The following NUP133 variants were observed in gnomAD, a reference collection of about 807,000 sequenced individuals.
NUP133 encodes the protein nucleoporin 133.
In NUP133, 66 loss-of-function variants were observed where a neutral mutation model predicts 146.2. The observed-to-expected ratio is 0.45, with a 90% CI of 0.37 to 0.55. The LOEUF (loss-of-function observed/expected upper bound fraction) is 0.55. NUP133 is among the 20% of genes least tolerant of loss of function. NUP133 has a pLI of 0.00. For synonymous variants in NUP133, 521 were observed against 498.8 expected, an observed-to-expected ratio of 1.04 and a Z score of -0.59; for missense variants, 1,277 against 1,374.8, an observed-to-expected ratio of 0.93 and a Z score of 1.12.
At chr1:229,453,633 T>C (rs79148553) in intron 21 of NUP133, among the ~76,000 whole-genome samples, 6,881 of 152,288 alleles carry the variant, frequency 0.045, 458 homozygotes, top group African/African-American at 0.15. Context: ...GGGGTTTTAA[T>C]TGAATACTGT....
chr1:229,473,514 C>T (rs909711115), intron 14 of NUP133, among the ~76,000 whole-genome samples: 3 of 152,238 alleles, frequency 2.0e-5, no homozygotes, highest in South Asian at 2.1e-4. Context: ...TCATGGCTTT[C>T]GGGCCTCTGA....
intron 5 of NUP133, 34 bp downstream of exon 5, chr1:229,499,650 T>C (rs1661747213): frequency 1.3e-6 from 2 of 1,567,600 alleles, no homozygotes; most frequent in Non-Finnish European, 1.7e-6. Flanking sequence ...AATCACAGCT[T>C]TCCAATAAAT....
chr1:229,452,463 C>T, intron 22 of NUP133, 62 bp downstream of exon 22: 1 of 1,329,324 alleles, frequency 7.5e-7, no homozygotes, highest in Non-Finnish European at 1.1e-6. Context: ...CTACATGGCC[C>T]AACAAACACC....
At chr1:229,505,381 C>A (rs1661907476) in intron 2 of NUP133, among the ~76,000 whole-genome samples, 1 of 151,662 alleles carries the variant, frequency 6.6e-6, no homozygotes, top group Non-Finnish European at 1.5e-5. Flanking sequence ...ATTAAAAAAA[C>A]ACAGTATATA....
At chr1:229,451,384 GCAATAC>G (rs1660445941) in intron 22 of NUP133, among the ~76,000 whole-genome samples, 1 of 150,036 alleles carries the variant, frequency 6.7e-6, no homozygotes. Context: ...GACAGCCCGA[GCAATAC>G]CAAGATCTTG....
chr1:229,453,497 T>C (rs947109786), intron 21 of NUP133, among the ~76,000 whole-genome samples: 2 of 150,534 alleles, frequency 1.3e-5, no homozygotes, highest in Non-Finnish European at 2.9e-5. Flanking sequence ...TCGAGAACTA[T>C]GAGAAATCAC....
At position 229,464,696 on chromosome 1, in the gene NUP133, T is replaced by C. The variant is rs755831030; in HGVS notation, c.2479A>G (p.Ser827Gly). ...AGATTGTCATATCTTTCCCGATTAC[T>C]GGATTTATCCACAGACTTAAGCTGA... ...VSQLKSVDKS[S>G]NRERYDNLEM... is the part of the protein sequence containing the mutation. The change falls in exon 18 of 26, where the codon AGT (serine) becomes GGT (glycine). Residue 827 changes from serine (S) to glycine (G), a missense_variant. Transcript: ENST00000261396. 2.0e-5 allele frequency: 33 copies of C among 1,614,234 alleles called. No homozygotes were observed. The East Asian group carries it at 4.7e-4, about 23-fold the overall frequency.
In NUP133 at chr1:229,475,126, C is replaced by A. The variant is rs565440771; in HGVS notation, c.1851+512G>T. On this transcript the variant is annotated intron_variant, in intron 14 of 25. Coordinates refer to ENST00000261396, the MANE Select transcript of NUP133 (RefSeq NM_018230.3). ...TAAATAAATAAATAAATAAATAAAA[C>A]AAACAAACAAAACCCCAAGCAGGTT... Among the ~76,000 whole-genome samples, 570 of 146,192 alleles carry A rather than the reference C, an allele frequency of 3.9e-3. 3 individuals are homozygous for A. Among genetic ancestry groups the A allele is most frequent in the African/African-American group, 0.013 (535 of 40,430 alleles).
In NUP133 at chr1:229,440,888, A is replaced by G. The variant is rs1287677810; in HGVS notation, c.*1016T>C. On this transcript the variant is annotated 3_prime_UTR_variant, in exon 26 of 26. Transcript: ENST00000261396. The stretch of plus-strand genomic sequence containing the variant: ...TGATGCTGGGCTCTGTGAATCCAGG[A>G]ACCGGACTCTTCACCATGTTTAACT... 2 of 153,278 alleles carry G rather than the reference A, an allele frequency of 1.3e-5. No homozygotes were observed. Among genetic ancestry groups the G allele is most frequent in the African/African-American group, 4.8e-5 (2 of 41,478 alleles). The allele number at this position is 153,278 out of a possible 1,614,324, so 9.5% of individuals were successfully genotyped here.
intron 13 of NUP133, 46 bp downstream of exon 13, chr1:229,477,551 C>A: frequency 2.1e-6 from 3 of 1,461,122 alleles, no homozygotes; most frequent in South Asian, 1.5e-5. Context: ...ATAAAGAAAC[C>A]AGAATATGTT....
chr1:229,458,291 A>G lies in NUP133; in HGVS notation c.2850T>C (p.His950=). The change falls in exon 21 of 26, where the codon CAT becomes CAC. Residue 950 remains histidine, a synonymous_variant. Transcript: ENST00000261396. Reference sequence around the variant, plus strand: ...TATTTGCCAAACCCAGAAGTGTTGCATGAGCCTACAATAAAATATGCAAAC... The same window carrying G: ...TATTTGCCAAACCCAGAAGTGTTGCGTGAGCCTACAATAAAATATGCAAAC... ...EINSQELEKA[H]ATLLGLANME... is the part of the protein sequence containing the mutation. 1 of 1,612,316 alleles carries G rather than the reference A, an allele frequency of 6.2e-7. No homozygotes were observed. The highest frequency in any genetic ancestry group is 8.5e-7 in the Non-Finnish European group (1 of 1,179,022).
At chr1:229,470,916 CCCAGCAAGTCCCT>C (rs1326126228) in intron 14 of NUP133, 112 bp from the exon 15 acceptor site, 1 of 797,286 alleles carries the variant, frequency 1.3e-6, no homozygotes, top group Non-Finnish European at 2.0e-6. Flanking sequence ...CCAGCTTTCC[CCCAGCAAGTCCCT>C]CCAGCTGTCT....
At position 229,440,823 on chromosome 1, in the gene NUP133, TAC is replaced by T. The variant is rs1405477777; in HGVS notation, c.*1079_*1080del. On this transcript the variant is annotated 3_prime_UTR_variant, in exon 26 of 26. Transcript: ENST00000261396. ...CTCCATTAACCTGCTCTTCCAAACA[TAC>T]TCAAGGGCTGGCCTTGCAGCCTGCG... 6.6e-6 allele frequency: 1 copy of T among 152,552 alleles called. No individual in the cohort carries two copies. The highest frequency in any genetic ancestry group is 1.9e-4 in the East Asian group (1 of 5,214). The allele number at this position is 152,552 out of a possible 1,614,324, so 9.4% of individuals were successfully genotyped here. A position where few individuals can be genotyped will look rare whatever the true frequency, so the allele number is the denominator to read the frequency against.
chr1:229,492,140 CTT>C (rs1246700921), intron 8 of NUP133, among the ~76,000 whole-genome samples: 3 of 148,658 alleles, frequency 2.0e-5, no homozygotes, highest in Admixed American at 6.7e-5. Context: ...GAGTTTCACT[CTT>C]GTTGCCCAGG....
chr1:229,477,332 C>T (rs557244228), intron 13 of NUP133, among the ~76,000 whole-genome samples: 187 of 149,958 alleles, frequency 1.2e-3, no homozygotes, highest in African/African-American at 4.3e-3. Flanking sequence ...CCCAGCTACT[C>T]GGGAGGCTGA....
intron 8 of NUP133, among the ~76,000 whole-genome samples, chr1:229,494,688 A>C (rs2102780839): frequency 6.6e-6 from 1 of 152,322 alleles, no homozygotes; most frequent in Admixed American, 6.5e-5. Context: ...TCTAAGAGGA[A>C]ATTTACTCTG....
chr1:229,443,788 G>A (rs989494050), intron 25 of NUP133, among the ~76,000 whole-genome samples: 1 of 145,086 alleles, frequency 6.9e-6, no homozygotes, highest in East Asian at 2.0e-4. Context: ...AAGTGCAGTG[G>A]CACCATCAGA....
chr1:229,489,630 G>A (rs1450290803), intron 9 of NUP133, among the ~76,000 whole-genome samples: 1 of 152,196 alleles, frequency 6.6e-6, no homozygotes, highest in Non-Finnish European at 1.5e-5. Context: ...CAATATTTTG[G>A]GAGGCCAAGC....
intron 12 of NUP133, among the ~76,000 whole-genome samples, chr1:229,482,594 T>C (rs1661242179): frequency 6.6e-6 from 1 of 152,132 alleles, no homozygotes; most frequent in Non-Finnish European, 1.5e-5. Context: ...ATGAGCAGAA[T>C]ACATGTCTAA....
Sources: allele counts gnomAD v4.1 joint callset (sites outside exome capture counted in the v4.1 genomes callset), GRCh38; gene constraint gnomAD v4.1.1; transcripts MANE v1.5; gene names NCBI Gene and HGNC (gene_info 2026-07-23, HGNC 2026-07-21).